Variants in S100A14 observed in about 807,000 individuals in gnomAD.
The protein encoded by S100A14 is protein S100-A14.
S100A14 carries 6 observed loss-of-function variants against 10.6 expected under a neutral mutation model. That is an observed-to-expected ratio of 0.57 (90% CI 0.31 to 1.12). The LOEUF is 1.12. S100A14 is among the 50% of genes most tolerant of loss of function. S100A14 has a pLI of 0.06. For synonymous variants in S100A14, 51 were observed against 51.0 expected (o/e 1.00, Z 0.00); for missense variants, 121 against 128.7 (o/e 0.94, Z 0.29).
chr1:153,614,743 A>T lies in S100A14; in HGVS notation c.*142T>A. The T allele has an allele frequency of 9.8e-7, 1 of 1,020,264 alleles. No homozygotes were observed. The highest frequency in any genetic ancestry group is 1.4e-6 in the Non-Finnish European group (1 of 711,578). The allele number at this position is 1,020,264 out of a possible 1,614,324, so 63.2% of individuals were successfully genotyped here. ...CCAGAGCATCCAAGACAGAGTGCACAGAGACCTGGGGAAGGAAGCTGAACT... is the reference window on the plus strand; with the variant it reads ...CCAGAGCATCCAAGACAGAGTGCACTGAGACCTGGGGAAGGAAGCTGAACT... On this transcript the variant is annotated 3_prime_UTR_variant, in exon 4 of 4. Transcript: ENST00000344616.
At chr1:153,615,605 C>T (rs1303758783) in intron 2 of S100A14, among the ~76,000 whole-genome samples, 3 of 152,172 alleles carry the variant, frequency 2.0e-5, no homozygotes, top group Non-Finnish European at 4.4e-5. Context: ...CACCCCCCAC[C>T]GCAGGCAGAG....
chr1:153,615,869 G>C lies in S100A14; in HGVS notation c.-11C>G. ...CCGACACTGTCCCATGGTGCCCACTGTGTCTGGTCCTTTGGTGAGAGTTCT... is the reference window on the plus strand; with the variant it reads ...CCGACACTGTCCCATGGTGCCCACTCTGTCTGGTCCTTTGGTGAGAGTTCT... On this transcript the variant is annotated 5_prime_UTR_variant, in exon 2 of 4. Coordinates refer to ENST00000344616, the MANE Select transcript of S100A14 (RefSeq NM_020672.3). 2 of 1,613,854 alleles carry C rather than the reference G, an allele frequency of 1.2e-6. No individual in the cohort carries two copies. Among genetic ancestry groups the C allele is most frequent in the Non-Finnish European group, 1.7e-6 (2 of 1,179,802 alleles).
chr1:153,614,665 C>T lies in S100A14; in HGVS notation c.*220G>A. On this transcript the variant is annotated 3_prime_UTR_variant, in exon 4 of 4. Transcript: ENST00000344616. ...ATCCCTCAAATATTCATCCCTGGCC[C>T]AACCAGTCCCCTGAGCCTCCCTCTG... The T allele has an allele frequency of 1.9e-6, 1 of 515,196 alleles. No individual in the cohort carries two copies. The allele number at this position is 515,196 out of a possible 1,614,324, so 31.9% of individuals were successfully genotyped here.
chr1:153,615,142 C>T (rs2101521551), intron 3 of S100A14, 93 bp downstream of exon 3: 1 of 1,586,308 alleles, frequency 6.3e-7, no homozygotes, highest in African/African-American at 1.3e-5. Context: ...GGGGGAAGAG[C>T]TGGGGGTTGC....
chr1:153,614,764 G>C lies in S100A14; in HGVS notation c.*121C>G. 8.0e-7 allele frequency: 1 copy of C among 1,254,830 alleles called. No homozygotes were observed. Among genetic ancestry groups the C allele is most frequent in the Non-Finnish European group, 1.1e-6 (1 of 909,998 alleles). The allele number at this position is 1,254,830 out of a possible 1,614,324, so 77.7% of individuals were successfully genotyped here. On this transcript the variant is annotated 3_prime_UTR_variant, in exon 4 of 4. Coordinates refer to ENST00000344616, the MANE Select transcript of S100A14 (RefSeq NM_020672.3). ...GCACAGAGACCTGGGGAAGGAAGCTGAACTTTGCAGAGATGAGGACAGGTG... is the reference window on the plus strand; with the variant it reads ...GCACAGAGACCTGGGGAAGGAAGCTCAACTTTGCAGAGATGAGGACAGGTG...
chr1:153,615,609 G>A (rs1226396623), intron 2 of S100A14, among the ~76,000 whole-genome samples: 1 of 152,140 alleles, frequency 6.6e-6, no homozygotes, highest in Non-Finnish European at 1.5e-5. Flanking sequence ...CCCCACCGCA[G>A]GCAGAGCAGG....
At chr1:153,616,199 A>C in intron 1 of S100A14, 96 bp downstream of exon 1, 1 of 254,238 alleles carries the variant, frequency 3.9e-6, no homozygotes, top group Non-Finnish European at 8.0e-6. Flanking sequence ...AAACACACAC[A>C]CCAACCTCCA....
At chr1:153,615,044 T>G in intron 3 of S100A14, 22 bp from the exon 4 acceptor site, 1 of 1,612,426 alleles carries the variant, frequency 6.2e-7, no homozygotes, top group Non-Finnish European at 8.5e-7. Context: ...GAAGAAACCA[T>G]GGCTCAGGGA....
chr1:153,614,284 C>A lies in S100A14; in HGVS notation c.*601G>T, dbSNP rs1323872092. 6.6e-6 allele frequency: 1 copy of A among 152,068 alleles called. No individual in the cohort carries two copies. The highest frequency in any genetic ancestry group is 2.4e-5 in the African/African-American group (1 of 41,384). 9.4% of individuals were successfully genotyped at this position (152,068 alleles called of 1,614,324 possible). On this transcript the variant is annotated 3_prime_UTR_variant, in exon 4 of 4. Transcript: ENST00000344616. ...ACTTTTTTCATTTTTTTTTATTAAT[C>A]AAATGATACAAAACAACCATCATTC...
chr1:153,616,168 C>T (rs149458610), intron 1 of S100A14, 127 bp downstream of exon 1: 2 of 305,802 alleles, frequency 6.5e-6, no homozygotes, highest in Non-Finnish European at 1.3e-5. Context: ...TCCACCTCCT[C>T]CAACCACCCA....
Position 153,614,644 on chromosome 1 carries a change from C to A in S100A14, c.*241G>T. 1 of 448,230 alleles carries A rather than the reference C, an allele frequency of 2.2e-6. No homozygotes were observed. The highest frequency in any genetic ancestry group is 3.9e-6 in the Non-Finnish European group (1 of 254,948). 27.8% of individuals were successfully genotyped at this position (448,230 alleles called of 1,614,324 possible). The stretch of plus-strand genomic sequence containing the variant: ...TTTGGCTCTTACACAATTTTTATCC[C>A]TCAAATATTCATCCCTGGCCCAACC... On this transcript the variant is annotated 3_prime_UTR_variant, in exon 4 of 4. Transcript: ENST00000344616.
At position 153,614,702 on chromosome 1, in the gene S100A14, T is replaced by C. The variant is rs942181893; in HGVS notation, c.*183A>G. On this transcript the variant is annotated 3_prime_UTR_variant, in exon 4 of 4. Coordinates refer to ENST00000344616, the MANE Select transcript of S100A14 (RefSeq NM_020672.3). The stretch of plus-strand genomic sequence containing the variant: ...TGAGCCTCCCTCTGGTGGAGACTCC[T>C]CCACCCATGAGCTCCCCAGAGCATC... 1.5e-6 allele frequency: 1 copy of C among 673,836 alleles called. No individual in the cohort carries two copies. The allele number at this position is 673,836 out of a possible 1,614,324, so 41.7% of individuals were successfully genotyped here. A position where few individuals can be genotyped will look rare whatever the true frequency, so the allele number is the denominator to read the frequency against.
intron 3 of S100A14, 32 bp downstream of exon 3, chr1:153,615,203 A>G (rs1289500812): frequency 3.7e-6 from 6 of 1,611,032 alleles, no homozygotes; most frequent in Non-Finnish European, 5.1e-6. Flanking sequence ...AAGTCAGGGT[A>G]CTGGCTGAGG....
In S100A14 at chr1:153,615,023, C is replaced by CGGCA; in HGVS notation, c.178-2_178-1insTGCC. On this transcript the variant is annotated splice_acceptor_variant, in intron 3 of 3. Coordinates refer to ENST00000344616, the MANE Select transcript of S100A14 (RefSeq NM_020672.3). LOFTEE classifies it high-confidence loss of function. Reference sequence around the variant, plus strand: ...TTTTCTCTTCCAGGCCACAGTTGCTCTGAGGGGAGTGAAGAAACCATGGCT... The same window carrying CGGCA: ...TTTTCTCTTCCAGGCCACAGTTGCTCGGCATGAGGGGAGTGAAGAAACCATGGCT... 1.8e-5 allele frequency: 29 copies of CGGCA among 1,613,512 alleles called. No individual in the cohort carries two copies. The highest frequency in any genetic ancestry group is 1.7e-4 in the Middle Eastern group (1 of 6,058).
rs1406004539 is a variant in S100A14 at position 153,615,909 on chromosome 1, G to C, written c.-51C>G. ...GTGAGAGTTCTGTTGTCCTATAGCTGGCCCCAGAGGAGCTGATGGCTCATG... is the reference window on the plus strand; with the variant it reads ...GTGAGAGTTCTGTTGTCCTATAGCTCGCCCCAGAGGAGCTGATGGCTCATG... On this transcript the variant is annotated 5_prime_UTR_variant, in exon 2 of 4. Transcript: ENST00000344616. 4.4e-6 allele frequency: 7 copies of C among 1,592,752 alleles called. No homozygotes were observed. The African/African-American group carries it at 9.4e-5, about 21-fold the overall frequency.
chr1:153,614,920 T>A lies in S100A14; in HGVS notation c.280A>T (p.Ser94Cys), dbSNP rs767050458. The change falls in exon 4 of 4, where the codon AGT (serine) becomes TGT (cysteine). Residue 94 changes from serine to cysteine, a missense_variant. Coordinates refer to ENST00000344616, the MANE Select transcript of S100A14 (RefSeq NM_020672.3). ...FWELIGEAAK[S>C]VKLERPVRGH is the part of the protein sequence containing the mutation. ...CGGACAGGCCTCTCCAGCTTCACAC[T>A]CTTGGCCGCTTCTCCAATCAGCTCC... The A allele has an allele frequency of 6.2e-7, 1 of 1,613,838 alleles. No homozygotes were observed. Among genetic ancestry groups the A allele is most frequent in the South Asian group, 1.1e-5 (1 of 91,068 alleles).
At position 153,615,872 on chromosome 1, in the gene S100A14, T is replaced by A. The variant is rs1156947975; in HGVS notation, c.-14A>T. ...ACACTGTCCCATGGTGCCCACTGTG[T>A]CTGGTCCTTTGGTGAGAGTTCTGTT... On this transcript the variant is annotated 5_prime_UTR_variant, in exon 2 of 4. Coordinates refer to ENST00000344616, the MANE Select transcript of S100A14 (RefSeq NM_020672.3). The A allele has an allele frequency of 1.9e-6, 3 of 1,613,662 alleles. No homozygotes were observed. The Admixed American group carries it at 5.0e-5, about 27-fold the overall frequency.
At position 153,614,930 on chromosome 1, in the gene S100A14, T is replaced by C; in HGVS notation, c.270A>G (p.Glu90=). 1 of 1,613,982 alleles carries C rather than the reference T, an allele frequency of 6.2e-7. No homozygotes were observed. The highest frequency in any genetic ancestry group is 1.1e-5 in the South Asian group (1 of 91,080). The stretch of plus-strand genomic sequence containing the variant: ...TCTCCAGCTTCACACTCTTGGCCGC[T>C]TCTCCAATCAGCTCCCAGAAACTCC... ...EFRSFWELIG[E]AAKSVKLERP... is the part of the protein sequence containing the mutation. Residue 90 remains glutamate (E), a synonymous_variant, in exon 4 of 4, where the codon GAA becomes GAG. Transcript: ENST00000344616.
At chr1:153,615,518 A>G in intron 2 of S100A14, 137 bp from the exon 3 acceptor site, 1 of 1,030,806 alleles carries the variant, frequency 9.7e-7, no homozygotes, top group Admixed American at 2.7e-5. Flanking sequence ...AGAGCCCAGA[A>G]TCTAGCCCCT....
Sources: gnomAD v4.1 joint callset for allele counts (sites outside exome capture counted in the v4.1 genomes callset) on GRCh38, gnomAD v4.1.1 for gene constraint, MANE v1.5 for transcripts, NCBI Gene and HGNC (gene_info 2026-07-23, HGNC 2026-07-21) for gene names.